Variants in WBP2 observed in about 807,000 individuals in gnomAD.
The protein encoded by WBP2 is WW domain-binding protein 2.
In WBP2, 23 loss-of-function variants were observed where a neutral mutation model predicts 33.0. The observed-to-expected ratio is 0.70, with a 90% CI of 0.50 to 0.99. The LOEUF (loss-of-function observed/expected upper bound fraction) is 0.99, where lower values mean the gene tolerates loss of function less well. WBP2 is among the 50% of genes least tolerant of loss of function. WBP2 has a pLI of 0.00. For synonymous variants in WBP2, 153 were observed against 133.5 expected (o/e 1.15, Z -1.01); for missense variants, 353 against 358.0 (o/e 0.99, Z 0.11).
chr17:75,847,890 A>G lies in WBP2; in HGVS notation c.438T>C (p.Ser146=). 1 of 1,559,376 alleles carries G rather than the reference A, an allele frequency of 6.4e-7. No homozygotes were observed. Among genetic ancestry groups the G allele is most frequent in the Non-Finnish European group, 8.7e-7 (1 of 1,151,604 alleles). ...GEVPSGAYGY[S]YMPSGAYVYP... ...AGACATAGGCCCCGCTGGGCATGTA[A>G]GAGTAGCCATAGGCTCCACTGGGGA... Residue 146 remains serine (S), a synonymous_variant, in exon 5 of 8, where the codon TCT becomes TCC. Transcript: ENST00000254806.
At chr17:75,855,159 T>TGCCCCCCCCCCCCCC in intron 1 of WBP2, 80 bp downstream of exon 1, 1 of 964,064 alleles carries the variant, frequency 1.0e-6, no homozygotes, top group Non-Finnish European at 1.6e-6. Flanking sequence ...AGGGGCTTAT[T>TGCCCCCCCCCCCCCC]CCCCACCACC....
At chr17:75,847,686 G>T in intron 5 of WBP2, 77 bp from the exon 6 acceptor site, 1 of 1,596,288 alleles carries the variant, frequency 6.3e-7, no homozygotes, top group Non-Finnish European at 8.6e-7. Flanking sequence ...GGCCTCTCCA[G>T]CTCCTTCGTT....
chr17:75,853,541 A>T lies in WBP2; in HGVS notation c.59+1698T>A, dbSNP rs912041951. 1.8e-4 allele frequency among the ~76,000 whole-genome samples: 27 copies of T among 152,232 alleles called. 1 individual carries two copies. The highest frequency in any genetic ancestry group is 2.9e-5 in the Non-Finnish European group (2 of 68,040). Reference sequence around the variant, plus strand: ...CTCAGAAAGTTCCACAGAGACAGAAAGAAAAACAGTCCCCAGAGATGTTGC... The same window carrying T: ...CTCAGAAAGTTCCACAGAGACAGAATGAAAAACAGTCCCCAGAGATGTTGC... On this transcript the variant is annotated intron_variant, in intron 1 of 7. Transcript: ENST00000254806.
Position 75,847,503 on chromosome 17 carries a change from G to C in WBP2, c.639C>G (p.Val213=). 1 of 1,592,092 alleles carries C rather than the reference G, an allele frequency of 6.3e-7. No homozygotes were observed. The highest frequency in any genetic ancestry group is 8.6e-7 in the Non-Finnish European group (1 of 1,169,188). The part of the protein sequence containing the change: ...PMEPPVSGPD[V]PSTPAAEAKA... The stretch of plus-strand genomic sequence containing the variant: ...GGCCCTCACCTGCAGGAGTGGAGGG[G>C]ACATCGGGGCCGCTGACCGGAGGTT... Residue 213 remains valine (V), a synonymous_variant, in exon 6 of 8, where the codon GTC becomes GTG. Transcript: ENST00000254806.
In WBP2 at chr17:75,851,531, C is replaced by T. The variant is rs778605048; in HGVS notation, c.168+37G>A. ...AGACTCACGTCACCTCCAACAGCAACAAGCCTCTCAACCAACTGCCCTGCT... is the reference window on the plus strand; with the variant it reads ...AGACTCACGTCACCTCCAACAGCAATAAGCCTCTCAACCAACTGCCCTGCT... On this transcript the variant is annotated intron_variant, in intron 2 of 7. Coordinates refer to ENST00000254806, the MANE Select transcript of WBP2 (RefSeq NM_012478.4). 1.2e-5 allele frequency: 18 copies of T among 1,520,980 alleles called. No homozygotes were observed. In the East Asian group the frequency reaches 3.2e-4, roughly 27 times the overall value. The allele number at this position is 1,520,980 out of a possible 1,614,324, so 94.2% of individuals were successfully genotyped here.
Position 75,850,451 on chromosome 17 carries a change from T to C in WBP2, c.169-712A>G, listed in dbSNP as rs139016437. ...TAGGAGAGATGGGGTTTCACCGTGT[T>C]AGCCAGGATGGTCTCGATCTCCTGA... On this transcript the variant is annotated intron_variant, in intron 2 of 7. Coordinates refer to ENST00000254806, the MANE Select transcript of WBP2 (RefSeq NM_012478.4). Among the ~76,000 whole-genome samples, 612 of 152,258 alleles carry C rather than the reference T, an allele frequency of 4.0e-3. 4 individuals are homozygous for C. The highest frequency in any genetic ancestry group is 0.014 in the African/African-American group (583 of 41,574).
chr17:75,855,478 T>A, upstream of WBP2: 1 of 635,038 alleles, frequency 1.6e-6, no homozygotes, highest in East Asian at 2.7e-5. Flanking sequence ...CAGTTCCTCC[T>A]GCGCAACAAA....
intron 1 of WBP2, among the ~76,000 whole-genome samples, chr17:75,854,958 T>A (rs970695166): frequency 1.3e-5 from 2 of 152,146 alleles, no homozygotes; most frequent in Non-Finnish European, 2.9e-5. Flanking sequence ...AAATCACAAG[T>A]CTGGGAAGGG....
At chr17:75,851,479 C>A in intron 2 of WBP2, 89 bp downstream of exon 2, 3 of 987,954 alleles carry the variant, frequency 3.0e-6, no homozygotes, top group Admixed American at 1.7e-5. Context: ...CCACCTGACT[C>A]ATGAGGCTGA....
In WBP2 at chr17:75,847,099, C is replaced by CA; in HGVS notation, c.656-116dup. 3.5e-6 allele frequency: 4 copies of CA among 1,144,058 alleles called. No homozygotes were observed. The South Asian group carries it at 5.4e-5, about 15-fold the overall frequency. The allele number at this position is 1,144,058 out of a possible 1,614,324, so 70.9% of individuals were successfully genotyped here. A position where few individuals can be genotyped will look rare whatever the true frequency, so the allele number is the denominator to read the frequency against. On this transcript the variant is annotated intron_variant, in intron 6 of 7. Coordinates refer to ENST00000254806, the MANE Select transcript of WBP2 (RefSeq NM_012478.4). The stretch of plus-strand genomic sequence containing the variant: ...GCTGGTGCTGGGGGTCCAGTTCCAC[C>CA]AATGAGAGCAGCAGGTGAGGTTTCC...
chr17:75,849,520 G>A, intron 3 of WBP2, 84 bp downstream of exon 3: 10 of 1,548,980 alleles, frequency 6.5e-6, no homozygotes, highest in East Asian at 2.2e-5. Context: ...GGGTCTGAAG[G>A]GGACGCCCCC....
chr17:75,849,637 A>G lies in WBP2; in HGVS notation c.271T>C (p.Tyr91His). 6.2e-7 allele frequency: 1 copy of G among 1,614,118 alleles called. No individual in the cohort carries two copies. Among genetic ancestry groups the G allele is most frequent in the African/African-American group, 1.3e-5 (1 of 75,030 alleles). Reference sequence around the variant, plus strand: ...TCCGCCTTCACTGTTCCCTTGATGTAGTTTGCACCAAATACGGGCTGCTTG... The same window carrying G: ...TCCGCCTTCACTGTTCCCTTGATGTGGTTTGCACCAAATACGGGCTGCTTG... ...EIKQPVFGAN[Y>H]IKGTVKAEAG... The change falls in exon 3 of 8, where the codon TAC (tyrosine) becomes CAC (histidine). Residue 91 changes from tyrosine to histidine, a missense_variant. Physicochemically the swap from Tyr to His is moderately conservative, Grantham distance 83. Coordinates refer to ENST00000254806, the MANE Select transcript of WBP2 (RefSeq NM_012478.4).
chr17:75,855,173 C>T, intron 1 of WBP2, 66 bp downstream of exon 1: 5 of 1,257,458 alleles, frequency 4.0e-6, no homozygotes, highest in Non-Finnish European at 5.8e-6. Context: ...CACCACCCAC[C>T]ACCCACCGCC....
chr17:75,847,211 C>T, intron 6 of WBP2: 1 of 673,892 alleles, frequency 1.5e-6, no homozygotes, highest in Admixed American at 2.7e-5. Flanking sequence ...GCCCCAGGTG[C>T]CACTGTGACC....
chr17:75,852,776 G>T (rs531312072), intron 1 of WBP2: 1 of 985,116 alleles, frequency 1.0e-6, no homozygotes, highest in Admixed American at 6.2e-5. Context: ...TTTCTTTTAA[G>T]TCCTTGTGAT....
rs752479473 is a variant in WBP2, at chr17:75,846,982, C to T, written c.658G>A (p.Glu220Lys). 20 of 1,613,924 alleles carry T rather than the reference C, an allele frequency of 1.2e-5. No homozygotes were observed. Among genetic ancestry groups the T allele is most frequent in the Admixed American group, 1.2e-4 (7 of 59,988 alleles). The change falls in exon 7 of 8, where the codon GAA becomes AAA. Residue 220 changes from glutamate to lysine, a missense_variant and splice_region_variant. Physicochemically the swap from Glu to Lys is moderately conservative, Grantham distance 56. Transcript: ENST00000254806. The surrounding 1 kb of genome is among the most constrained non-coding windows in gnomAD (Gnocchi z 4.8). ...GCGGCTGCTTCTGCGGCCTTGGCTTCGGCTGTGAGAGCAAACACACCTGGT... is the reference window on the plus strand; with the variant it reads ...GCGGCTGCTTCTGCGGCCTTGGCTTTGGCTGTGAGAGCAAACACACCTGGT... ...GPDVPSTPAAEAKAAEAAASA... is the reference protein window; with the variant it reads ...GPDVPSTPAAKAKAAEAAASA...
intron 1 of WBP2, among the ~76,000 whole-genome samples, chr17:75,853,234 C>T (rs1358046176): frequency 1.3e-5 from 2 of 151,930 alleles, no homozygotes; most frequent in African/African-American, 4.8e-5. Context: ...TTAGTAGAGA[C>T]GAGGTTTTAC....
intron 4 of WBP2, chr17:75,848,244 C>A (rs576154445): frequency 6.9e-6 from 4 of 580,810 alleles, no homozygotes; most frequent in Non-Finnish European, 1.2e-5. Context: ...GCCCATCCCT[C>A]GGTCATTTTC....
Position 75,848,678 on chromosome 17 carries a change from C to A in WBP2, c.305-16G>T, listed in dbSNP as rs780385071. 1 of 1,605,698 alleles carries A rather than the reference C, an allele frequency of 6.2e-7. No individual in the cohort carries two copies. The highest frequency in any genetic ancestry group is 2.2e-5 in the East Asian group (1 of 44,730). ...TCCCAGCCACCTGAAAGGGGAAGGA[C>A]AGTGAATAAACAGCACAGGAAAAGA... On this transcript the variant is annotated splice_polypyrimidine_tract_variant and intron_variant, in intron 3 of 7. Transcript: ENST00000254806.
Sources: gnomAD v4.1 joint callset for allele counts (sites outside exome capture counted in the v4.1 genomes callset) on GRCh38, gnomAD v4.1.1 for gene constraint, Gnocchi (gnomAD v3.1) non-coding constraint, MANE v1.5 for transcripts, NCBI Gene and HGNC (gene_info 2026-07-23, HGNC 2026-07-21) for gene names.